PRKCE: variants seen among roughly 807,000 people sequenced by gnomAD.
PRKCE encodes the protein protein kinase C epsilon type.
Under a neutral mutation model 85.4 loss-of-function variants are expected in PRKCE, and 16 were observed. The observed-to-expected ratio is 0.19, with a 90% CI of 0.13 to 0.28. The LOEUF (loss-of-function observed/expected upper bound fraction) is 0.28. Among genes scored for constraint, PRKCE ranks in the 10% least tolerant of loss-of-function variants. PRKCE has a pLI of 1.00. For synonymous variants in PRKCE, 388 were observed against 371.5 expected (o/e 1.04, Z -0.51); for missense variants, 573 against 975.2 (o/e 0.59, Z 5.49).
chr2:45,823,017 C>CT (rs1689660673), intron 1 of PRKCE, among the ~76,000 whole-genome samples: 2 of 152,284 alleles, frequency 1.3e-5, no homozygotes, highest in African/African-American at 2.4e-5. Flanking sequence ...GTTAAACCCC[C>CT]ACTCCCACCC....
At chr2:46,176,869 T>A (rs761472515) in intron 14 of PRKCE, among the ~76,000 whole-genome samples, 5 of 152,154 alleles carry the variant, frequency 3.3e-5, no homozygotes, top group South Asian at 2.1e-4. Context: ...AATTTTAGGA[T>A]GACATAAAGC....
intron 1 of PRKCE, among the ~76,000 whole-genome samples, chr2:45,716,564 AAAGAAAGG>A (rs925036044): frequency 4.1e-4 from 61 of 150,166 alleles, no homozygotes; most frequent in East Asian, 1.9e-3. Flanking sequence ...GAAGAAAAAG[AAAGAAAGG>A]AAGAAAGGAA....
intron 1 of PRKCE, among the ~76,000 whole-genome samples, chr2:45,723,574 C>T (rs188324177): frequency 4.9e-4 from 75 of 152,152 alleles, no homozygotes; most frequent in Non-Finnish European, 7.9e-4. Context: ...CAGGACAGCT[C>T]ACTGGTTTAA....
chr2:45,662,161 C>T (rs1278347196), intron 1 of PRKCE, among the ~76,000 whole-genome samples: 3 of 152,124 alleles, frequency 2.0e-5, no homozygotes, highest in Non-Finnish European at 4.4e-5. Context: ...ACAAAAGATT[C>T]AAAGCAGTGG....
chr2:45,664,397 A>G (rs917195340), intron 1 of PRKCE, among the ~76,000 whole-genome samples: 5 of 152,240 alleles, frequency 3.3e-5, no homozygotes, highest in African/African-American at 4.8e-5. Context: ...TTTGCGATCA[A>G]TGGTTAACTA....
intron 10 of PRKCE, among the ~76,000 whole-genome samples, chr2:46,060,477 C>A (rs1361752640): frequency 6.6e-6 from 1 of 152,160 alleles, no homozygotes; most frequent in East Asian, 1.9e-4. Flanking sequence ...GGGCACCACA[C>A]ACACTCATCA....
At chr2:45,824,121 T>A (rs1392260699) in intron 1 of PRKCE, among the ~76,000 whole-genome samples, 4 of 152,210 alleles carry the variant, frequency 2.6e-5, no homozygotes, top group Non-Finnish European at 5.9e-5. Flanking sequence ...TGTATGCAAG[T>A]TTACTATGTT....
chr2:46,091,762 C>T (rs1670192991), intron 11 of PRKCE, among the ~76,000 whole-genome samples: 1 of 152,198 alleles, frequency 6.6e-6, no homozygotes, highest in Admixed American at 6.5e-5. Context: ...GTTAGCCAGT[C>T]ACATACCTCG....
At chr2:45,713,485 G>C (rs1679836756) in intron 1 of PRKCE, among the ~76,000 whole-genome samples, 2 of 152,088 alleles carry the variant, frequency 1.3e-5, no homozygotes, top group Non-Finnish European at 2.9e-5. Flanking sequence ...AGGGCACACA[G>C]GCAAACCCTG....
chr2:45,737,746 A>G (rs1682202582), intron 1 of PRKCE, among the ~76,000 whole-genome samples: 1 of 151,510 alleles, frequency 6.6e-6, no homozygotes, highest in African/African-American at 2.4e-5. Flanking sequence ...CTGTCCACAG[A>G]GCTTGTCTTG....
intron 1 of PRKCE, among the ~76,000 whole-genome samples, chr2:45,698,715 G>T (rs1303186216): frequency 6.6e-6 from 1 of 152,174 alleles, no homozygotes; most frequent in South Asian, 2.1e-4. Flanking sequence ...GATTGCAAAT[G>T]CCATGTATCC....
At chr2:45,898,906 A>G (rs1268129745) in intron 2 of PRKCE, among the ~76,000 whole-genome samples, 1 of 152,210 alleles carries the variant, frequency 6.6e-6, no homozygotes, top group East Asian at 1.9e-4. Context: ...TGGTCCATGA[A>G]AAAGGCATCA....
chr2:45,692,854 G>A (rs755534405), intron 1 of PRKCE, among the ~76,000 whole-genome samples: 2 of 152,158 alleles, frequency 1.3e-5, no homozygotes, highest in African/African-American at 2.4e-5. Context: ...ATGTGGGCTC[G>A]AGGGATGAGT....
intron 6 of PRKCE, among the ~76,000 whole-genome samples, chr2:46,000,453 C>A (rs1574176223): frequency 1.3e-5 from 1 of 76,498 alleles, no homozygotes; most frequent in African/African-American, 6.8e-5. Context: ...ACCTCAATCT[C>A]TGATAAAAAA....
intron 2 of PRKCE, among the ~76,000 whole-genome samples, chr2:45,949,488 T>A (rs1421489552): frequency 6.7e-6 from 1 of 149,124 alleles, no homozygotes; most frequent in Non-Finnish European, 1.5e-5. Context: ...CTGAGTCTGC[T>A]ACATGTTGCA....
chr2:45,754,999 G>C (rs1338421068), intron 1 of PRKCE, among the ~76,000 whole-genome samples: 1 of 152,232 alleles, frequency 6.6e-6, no homozygotes, highest in Non-Finnish European at 1.5e-5. Flanking sequence ...CTACGGCGTA[G>C]ATACTGCAAG....
chr2:45,753,015 C>T lies in PRKCE; in HGVS notation c.349-89985C>T, dbSNP rs531757654. Among the ~76,000 whole-genome samples the T allele has an allele frequency of 5.3e-5, 8 of 152,224 alleles. No homozygotes were observed. The South Asian group carries it at 1.7e-3, about 32-fold the overall frequency. On this transcript the variant is annotated intron_variant, in intron 1 of 14. Transcript: ENST00000306156. ...CTGCGGCACACACATTTCATGGAGACTGTATTGTTTTGTTTCTTCTCCCCA... is the reference window on the plus strand; with the variant it reads ...CTGCGGCACACACATTTCATGGAGATTGTATTGTTTTGTTTCTTCTCCCCA...
chr2:45,740,292 G>A (rs935551843), intron 1 of PRKCE, among the ~76,000 whole-genome samples: 1 of 152,182 alleles, frequency 6.6e-6, no homozygotes, highest in Non-Finnish European at 1.5e-5. Context: ...TTAGTCAGGA[G>A]TCCCTAGGGA....
chr2:46,116,750 A>G (rs1405331300), intron 11 of PRKCE, among the ~76,000 whole-genome samples: 2 of 11,852 alleles, frequency 1.7e-4, no homozygotes, highest in African/African-American at 3.0e-4. Context: ...TGTTCGGAGA[A>G]AAAAAAAGCC....
Sources: allele counts gnomAD v4.1 joint callset (sites outside exome capture counted in the v4.1 genomes callset), GRCh38; gene constraint gnomAD v4.1.1; transcripts MANE v1.5; gene names NCBI Gene and HGNC (gene_info 2026-07-23, HGNC 2026-07-21).